The following CENPF variants were observed in gnomAD, a reference collection of about 807,000 sequenced individuals.
CENPF encodes the protein centromere protein F, also known as AH antigen.
In CENPF, 214 loss-of-function variants were observed where a neutral mutation model predicts 307.3. The ratio of observed to expected loss-of-function variants is 0.70; its 90% CI spans 0.62 to 0.78. CENPF has a LOEUF of 0.78. Among genes scored for constraint, CENPF ranks in the 30% least tolerant of loss-of-function variants. The pLI, the probability that CENPF is intolerant of heterozygous loss-of-function variation, is 0.00. For synonymous variants in CENPF, 1,259 were observed against 1,270.6 expected (o/e 0.99, Z 0.19); for missense variants, 3,401 against 3,483.9 (o/e 0.98, Z 0.60).
chr1:214,632,216 A>AT (rs1419266448), intron 9 of CENPF, among the ~76,000 whole-genome samples: 1 of 151,904 alleles, frequency 6.6e-6, no homozygotes, highest in African/African-American at 2.4e-5. Context: ...TAGCTGTTTT[A>AT]TTTTTTGTGG....
chr1:214,639,632 GAAAATCATCCCTTGGTATTTTATTCAATA>G (rs1445583792), intron 11 of CENPF, among the ~76,000 whole-genome samples: 1 of 152,188 alleles, frequency 6.6e-6, no homozygotes, highest in Non-Finnish European at 1.5e-5. Context: ...CAGTGCTTAG[GAAAATCATCCCTTGGTATTTTATTCAATA>G]ACATGTTCTT....
chr1:214,655,778 A>G (rs1044012150), intron 17 of CENPF, among the ~76,000 whole-genome samples: 1 of 152,106 alleles, frequency 6.6e-6, no homozygotes, highest in East Asian at 1.9e-4. Context: ...TTTTGTAGAG[A>G]CAAGGTTTTG....
chr1:214,604,104 T>A (rs1445221025), intron 1 of CENPF, among the ~76,000 whole-genome samples: 1 of 152,156 alleles, frequency 6.6e-6, no homozygotes, highest in African/African-American at 2.4e-5. Flanking sequence ...CCAGCCTTGG[T>A]ACAGTGCACG....
In CENPF at chr1:214,618,558, G is replaced by C; in HGVS notation, c.360-15G>C. 1 of 1,612,732 alleles carries C rather than the reference G, an allele frequency of 6.2e-7. No homozygotes were observed. ...TCTAACTGATTTGTCTGCCTCTTGG[G>C]TCCTTTTCTAACAGGTGTAAATCTG... On this transcript the variant is annotated splice_polypyrimidine_tract_variant and intron_variant, in intron 3 of 19. Transcript: ENST00000366955.
intron 13 of CENPF, chr1:214,648,031 C>T: frequency 4.3e-6 from 2 of 465,672 alleles, no homozygotes; most frequent in Non-Finnish European, 8.6e-6. Context: ...TAAGTTTTGG[C>T]CCAGTGAGCT....
In CENPF at chr1:214,645,499, C is replaced by G. The variant is rs1234961943; in HGVS notation, c.5929C>G (p.Leu1977Val). The G allele has an allele frequency of 6.2e-7, 1 of 1,613,914 alleles. No individual in the cohort carries two copies. The highest frequency in any genetic ancestry group is 1.3e-5 in the African/African-American group (1 of 74,896). Residue 1977 changes from leucine (L) to valine (V), a missense_variant, in exon 13 of 20, where the codon CTG (leucine) becomes GTG (valine). Coordinates refer to ENST00000366955, the MANE Select transcript of CENPF (RefSeq NM_016343.4). ...LDTMSKKTTA[L>V]DQLSEKMKEK... ...TACTATGTCAAAAAAAACCACGGCA[C>G]TGGATCAGTTGTCTGAAAAAATGAA...
At chr1:214,639,267 G>T (rs1198759496) in intron 11 of CENPF, among the ~76,000 whole-genome samples, 1 of 152,190 alleles carries the variant, frequency 6.6e-6, no homozygotes, top group Admixed American at 6.5e-5. Flanking sequence ...AAGACAGGGG[G>T]TAACGGAGTT....
Position 214,640,828 on chromosome 1 carries a change from T to C in CENPF, c.2490T>C (p.Asn830=). 1 of 1,603,986 alleles carries C rather than the reference T, an allele frequency of 6.2e-7. No individual in the cohort carries two copies. Among genetic ancestry groups the C allele is most frequent in the Non-Finnish European group, 8.5e-7 (1 of 1,176,548 alleles). ...QSPKNSAILQ[N]RVDSLEFSLE... ...CGAAAAATTCTGCCATCCTACAAAA[T>C]AGAGTTGATTCACTTGAATTTTCAT... The change falls in exon 12 of 20, where the codon AAT becomes AAC. Residue 830 remains asparagine (N), a synonymous_variant. Transcript: ENST00000366955.
At chr1:214,607,014 C>T (rs2102523124) in intron 1 of CENPF, among the ~76,000 whole-genome samples, 1 of 152,354 alleles carries the variant, frequency 6.6e-6, no homozygotes, top group Non-Finnish European at 1.5e-5. Flanking sequence ...CCTCCCTGGC[C>T]TGGAATCCCA....
At chr1:214,658,723 A>T in intron 18 of CENPF, 127 bp from the exon 19 acceptor site, 1 of 838,934 alleles carries the variant, frequency 1.2e-6, no homozygotes, top group Non-Finnish European at 1.9e-6. Flanking sequence ...TCCATTGACC[A>T]CAGTGGCTAG....
At chr1:214,661,914 T>C (rs1658797247) in intron 19 of CENPF, among the ~76,000 whole-genome samples, 1 of 152,130 alleles carries the variant, frequency 6.6e-6, no homozygotes, top group South Asian at 2.1e-4. Flanking sequence ...TAGGAGGATG[T>C]ACTATCTTAA....
Position 214,632,540 on chromosome 1 carries a change from A to G in CENPF, c.1384A>G (p.Arg462Gly), listed in dbSNP as rs1657837003. ...GGAAGAGTTTAAGCAAAAGTTGTGC[A>G]GAGCTGAACAGGCGTTCCAGGCGAG... ...NLEEFKQKLC[R>G]AEQAFQASQI... The change falls in exon 10 of 20, where the codon AGA becomes GGA. Residue 462 changes from arginine to glycine, a missense_variant. By Grantham distance (125) the Arg-to-Gly change is moderately radical. Coordinates refer to ENST00000366955, the MANE Select transcript of CENPF (RefSeq NM_016343.4). 1 of 1,614,182 alleles carries G rather than the reference A, an allele frequency of 6.2e-7. No homozygotes were observed. Among genetic ancestry groups the G allele is most frequent in the Non-Finnish European group, 8.5e-7 (1 of 1,179,998 alleles).
At chr1:214,660,863 A>G (rs936152647) in intron 19 of CENPF, among the ~76,000 whole-genome samples, 5 of 152,184 alleles carry the variant, frequency 3.3e-5, no homozygotes, top group African/African-American at 9.6e-5. Context: ...GATTACATCT[A>G]TAGTTTATGT....
chr1:214,613,548 G>T, intron 1 of CENPF, 166 bp from the exon 2 acceptor site: 1 of 444,114 alleles, frequency 2.3e-6, no homozygotes, highest in Non-Finnish European at 4.0e-6. Flanking sequence ...ATCAATTATT[G>T]GTTGCCACCT....
intron 2 of CENPF, among the ~76,000 whole-genome samples, chr1:214,614,591 A>T (rs1021054748): frequency 3.0e-4 from 46 of 152,270 alleles, no homozygotes; most frequent in African/African-American, 7.9e-4. Context: ...TTTTGAAAGG[A>T]TAGTAAAGAC....
rs2102566666 is a variant in CENPF, at chr1:214,645,957, G to GAA, written c.6387_6388insAA (p.Ala2130LysfsTer14). 1 of 1,614,112 alleles carries GAA rather than the reference G, an allele frequency of 6.2e-7. No individual in the cohort carries two copies. On this transcript the variant is annotated frameshift_variant, in exon 13 of 20. Transcript: ENST00000366955. LOFTEE classifies it high-confidence loss of function. ...TCGAGAAACTGAGAGTTCGCATTGA[G>GAA]GCCGATGAAAAGAAGCAGCTGCACA...
chr1:214,632,905 G>A (rs1426041947), intron 10 of CENPF, among the ~76,000 whole-genome samples: 3 of 152,114 alleles, frequency 2.0e-5, no homozygotes, highest in Non-Finnish European at 2.9e-5. Flanking sequence ...CTTAAAGATT[G>A]TTTTAGACCC....
chr1:214,646,399 G>A lies in CENPF; in HGVS notation c.6829G>A (p.Gly2277Ser). 6.2e-7 allele frequency: 1 copy of A among 1,614,038 alleles called. No individual in the cohort carries two copies. Among genetic ancestry groups the A allele is most frequent in the South Asian group, 1.1e-5 (1 of 91,062 alleles). ...ELNEAVAALC[G>S]DQEIMKATEQ... The stretch of plus-strand genomic sequence containing the variant: ...AAATGAGGCAGTAGCAGCCTTGTGT[G>A]GTGACCAAGAAATTATGAAGGCCAC... The change falls in exon 13 of 20, where the codon GGT (glycine) becomes AGT (serine). Residue 2277 changes from glycine (G) to serine (S), a missense_variant. By Grantham distance (56) the Gly-to-Ser change is moderately conservative. Coordinates refer to ENST00000366955, the MANE Select transcript of CENPF (RefSeq NM_016343.4).
chr1:214,637,006 C>T (rs1449460964), intron 10 of CENPF, among the ~76,000 whole-genome samples: 1 of 152,170 alleles, frequency 6.6e-6, no homozygotes, highest in Non-Finnish European at 1.5e-5. Context: ...ATATTGCTTG[C>T]TTTTAAGATT....
Sources: allele counts gnomAD v4.1 joint callset (sites outside exome capture counted in the v4.1 genomes callset), GRCh38; gene constraint gnomAD v4.1.1; transcripts MANE v1.5; gene names NCBI Gene and HGNC (gene_info 2026-07-23, HGNC 2026-07-21).